SPAG16: variants seen among roughly 807,000 people sequenced by gnomAD.
The protein encoded by SPAG16 is sperm associated antigen 16.
SPAG16 carries 86 observed loss-of-function variants against 80.4 expected under a neutral mutation model. The observed-to-expected ratio is 1.07, with a 90% CI of 0.90 to 1.28. SPAG16 has a LOEUF of 1.28. Ranked by LOEUF, SPAG16 falls within the 50% of genes most tolerant of loss-of-function variation. The pLI, the probability that SPAG16 is intolerant of heterozygous loss-of-function variation, is 0.00. For synonymous variants in SPAG16, 294 were observed against 265.9 expected, an observed-to-expected ratio of 1.11 and a Z score of -1.03; for missense variants, 870 against 765.3, an observed-to-expected ratio of 1.14 and a Z score of -1.61.
chr2:213,402,339 T>A (rs531031906), intron 9 of SPAG16, among the ~76,000 whole-genome samples: 1 of 152,240 alleles, frequency 6.6e-6, no homozygotes, highest in East Asian at 1.9e-4. Flanking sequence ...TAATTCTATC[T>A]GCCATATTAT....
At chr2:214,305,845 G>T (rs1291701197) in intron 15 of SPAG16, among the ~76,000 whole-genome samples, 3 of 151,478 alleles carry the variant, frequency 2.0e-5, no homozygotes, top group Non-Finnish European at 4.4e-5. Context: ...GGATTTCCTT[G>T]TCAATTTGGG....
At chr2:213,886,567 C>G (rs1326153784) in intron 11 of SPAG16, among the ~76,000 whole-genome samples, 3 of 151,972 alleles carry the variant, frequency 2.0e-5, no homozygotes, top group Non-Finnish European at 4.4e-5. Context: ...AAAATCCACC[C>G]AAACAAATGA....
intron 9 of SPAG16, among the ~76,000 whole-genome samples, chr2:213,430,838 T>C (rs2070247678): frequency 6.6e-6 from 1 of 152,078 alleles, no homozygotes; most frequent in Non-Finnish European, 1.5e-5. Context: ...GAGAAAAGCA[T>C]CTAGACACCT....
At chr2:213,705,203 G>A (rs1223351640) in intron 10 of SPAG16, among the ~76,000 whole-genome samples, 2 of 151,946 alleles carry the variant, frequency 1.3e-5, no homozygotes, top group African/African-American at 4.8e-5. Context: ...AGCCGTGATC[G>A]TGCCACTGCG....
At chr2:213,945,539 T>G (rs2079413733) in intron 12 of SPAG16, among the ~76,000 whole-genome samples, 1 of 152,040 alleles carries the variant, frequency 6.6e-6, no homozygotes, top group African/African-American at 2.4e-5. Context: ...CGACTTTTCA[T>G]GTTTTTCTGC....
chr2:214,392,622 T>G (rs549352981), intron 15 of SPAG16, among the ~76,000 whole-genome samples: 1 of 151,830 alleles, frequency 6.6e-6, no homozygotes, highest in Admixed American at 6.6e-5. Flanking sequence ...AGAATAGTAT[T>G]GAAAGAAGTT....
At chr2:214,191,874 G>A (rs1190613785) in intron 15 of SPAG16, among the ~76,000 whole-genome samples, 4 of 151,880 alleles carry the variant, frequency 2.6e-5, no homozygotes, top group Admixed American at 1.3e-4. Flanking sequence ...AAGGGAACAC[G>A]TACAATTTGA....
chr2:213,964,994 A>G lies in SPAG16; in HGVS notation c.1400+34849A>G, dbSNP rs142244776. ...CAATATTTGGGTCCTTTCTCTTGCCATTTTCTTTGCCTGTGTATGGCTGTG... is the reference window on the plus strand; with the variant it reads ...CAATATTTGGGTCCTTTCTCTTGCCGTTTTCTTTGCCTGTGTATGGCTGTG... On this transcript the variant is annotated intron_variant, in intron 12 of 15. Transcript: ENST00000331683. Among the ~76,000 whole-genome samples the G allele has an allele frequency of 3.9e-5, 6 of 152,174 alleles. No homozygotes were observed. The East Asian group carries it at 1.2e-3, about 29-fold the overall frequency.
At chr2:214,021,130 AAC>A (rs1251441756) in intron 13 of SPAG16, among the ~76,000 whole-genome samples, 5 of 152,330 alleles carry the variant, frequency 3.3e-5, no homozygotes, top group South Asian at 2.1e-4. Context: ...GAAAAAGCAT[AAC>A]ACATATTTAA....
chr2:214,093,469 T>A (rs951526578), intron 13 of SPAG16, among the ~76,000 whole-genome samples: 3 of 151,944 alleles, frequency 2.0e-5, no homozygotes, highest in Non-Finnish European at 4.4e-5. Context: ...CTGGATTATC[T>A]ATATTATTGG....
chr2:213,996,068 T>C (rs2046501007), intron 12 of SPAG16, among the ~76,000 whole-genome samples: 1 of 152,218 alleles, frequency 6.6e-6, no homozygotes, highest in African/African-American at 2.4e-5. Context: ...CTCCAGGTAG[T>C]TTCTGGTCTC....
intron 10 of SPAG16, among the ~76,000 whole-genome samples, chr2:213,785,271 A>G (rs2070266606): frequency 6.6e-6 from 1 of 152,178 alleles, no homozygotes; most frequent in African/African-American, 2.4e-5. Context: ...AATATTCTAT[A>G]AGCTGAAGAC....
rs115036519 is a variant in SPAG16 at position 213,634,863 on chromosome 2, C to T, written c.1070+144773C>T. ...TGAGAATGTAAGAGGCTTGGTTTTC[C>T]GCTCCTGAGTAACTTCACTTGGAAT... is the stretch of plus-strand genomic sequence containing the variant. On this transcript the variant is annotated intron_variant, in intron 10 of 15. Coordinates refer to ENST00000331683, the MANE Select transcript of SPAG16 (RefSeq NM_024532.5). 7.1e-3 allele frequency among the ~76,000 whole-genome samples: 1,077 copies of T among 151,938 alleles called. 8 individuals are homozygous for T. Among genetic ancestry groups the T allele is most frequent in the African/African-American group, 0.023 (955 of 41,430 alleles).
chr2:213,443,770 G>A (rs969865976), intron 9 of SPAG16, among the ~76,000 whole-genome samples: 27 of 152,158 alleles, frequency 1.8e-4, no homozygotes, highest in African/African-American at 6.0e-4. Flanking sequence ...CAATGTCTCA[G>A]TGCTTTAGGT....
At chr2:213,917,667 C>T (rs570738038) in intron 11 of SPAG16, among the ~76,000 whole-genome samples, 1 of 152,042 alleles carries the variant, frequency 6.6e-6, no homozygotes, top group Non-Finnish European at 1.5e-5. Context: ...GATCAGGGAA[C>T]TTTTGGGCCA....
chr2:214,141,442 G>A (rs1418962093), intron 14 of SPAG16, among the ~76,000 whole-genome samples: 3 of 150,920 alleles, frequency 2.0e-5, no homozygotes, highest in East Asian at 1.9e-4. Flanking sequence ...ACTCCAGCCC[G>A]GGTGACAGAG....
intron 9 of SPAG16, among the ~76,000 whole-genome samples, chr2:213,455,342 G>C (rs2071935842): frequency 6.6e-6 from 1 of 152,084 alleles, no homozygotes; most frequent in African/African-American, 2.4e-5. Context: ...TTACAACTCT[G>C]TTTACCTCCC....
intron 15 of SPAG16, among the ~76,000 whole-genome samples, chr2:214,347,476 T>C (rs1244227132): frequency 4.6e-5 from 7 of 152,256 alleles, no homozygotes; most frequent in South Asian, 2.1e-4. Flanking sequence ...CAGTAAAATA[T>C]TACCCTGGGG....
At chr2:213,564,622 C>T (rs1202077047) in intron 10 of SPAG16, among the ~76,000 whole-genome samples, 4 of 151,918 alleles carry the variant, frequency 2.6e-5, no homozygotes, top group African/African-American at 9.7e-5. Flanking sequence ...ACTTGTAGTA[C>T]ATGCCTTGTA....
Sources: allele counts gnomAD v4.1 joint callset (sites outside exome capture counted in the v4.1 genomes callset), GRCh38; gene constraint gnomAD v4.1.1; transcripts MANE v1.5; gene names NCBI Gene and HGNC (gene_info 2026-07-23, HGNC 2026-07-21).